FAM135B: variants seen among roughly 807,000 people sequenced by gnomAD.
FAM135B encodes protein FAM135B.
Under a neutral mutation model 127.7 loss-of-function variants are expected in FAM135B, and 43 were observed. The ratio of observed to expected loss-of-function variants is 0.34; its 90% CI spans 0.26 to 0.43. The LOEUF (loss-of-function observed/expected upper bound fraction) is 0.43, where lower values mean the gene tolerates loss of function less well. Among genes scored for constraint, FAM135B ranks in the 20% least tolerant of loss-of-function variants. The pLI, the probability that FAM135B is intolerant of heterozygous loss-of-function variation, is 1.00. For synonymous variants in FAM135B, 670 were observed against 665.1 expected, an observed-to-expected ratio of 1.01 and a Z score of -0.11; for missense variants, 1,558 against 1,725.6, an observed-to-expected ratio of 0.90 and a Z score of 1.72.
chr8:138,433,848 T>C (rs538661125), intron 1 of FAM135B, among the ~76,000 whole-genome samples: 41 of 152,272 alleles, frequency 2.7e-4, no homozygotes, highest in African/African-American at 9.9e-4. Context: ...CCCGTGGCAA[T>C]AGCCCAGGAC....
chr8:138,276,984 A>AT (rs1340608832), intron 3 of FAM135B, among the ~76,000 whole-genome samples: 1 of 152,188 alleles, frequency 6.6e-6, no homozygotes, highest in Non-Finnish European at 1.5e-5. Context: ...AGTGCTTGTT[A>AT]TAACAACTGC....
intron 2 of FAM135B, among the ~76,000 whole-genome samples, chr8:138,366,941 G>A (rs1167022435): frequency 1.3e-5 from 2 of 152,104 alleles, no homozygotes; most frequent in African/African-American, 4.8e-5. Context: ...AAGCCTGCTG[G>A]AGGATGAGAG....
intron 12 of FAM135B, among the ~76,000 whole-genome samples, chr8:138,153,644 G>T (rs189425243): frequency 8.5e-5 from 13 of 152,284 alleles, no homozygotes; most frequent in African/African-American, 3.1e-4. Context: ...ATTATATCCC[G>T]CACCTGGCTT....
At chr8:138,164,036 C>T (rs1483419811) in intron 12 of FAM135B, among the ~76,000 whole-genome samples, 3 of 151,196 alleles carry the variant, frequency 2.0e-5, no homozygotes, top group Non-Finnish European at 3.0e-5. Context: ...TTTTATTTCC[C>T]TTTTTTCCTT....
chr8:138,178,960 G>T (rs1814743888), intron 9 of FAM135B, among the ~76,000 whole-genome samples: 1 of 152,148 alleles, frequency 6.6e-6, no homozygotes, highest in Admixed American at 6.5e-5. Context: ...TAGCAGGCAA[G>T]ATTGCCCACT....
intron 11 of FAM135B, among the ~76,000 whole-genome samples, chr8:138,176,252 C>T (rs1348267955): frequency 6.6e-6 from 1 of 152,210 alleles, no homozygotes; most frequent in East Asian, 1.9e-4. Flanking sequence ...AGAATGCAAC[C>T]ATGGCTCCAC....
rs7835885 is a variant in FAM135B, at chr8:138,342,218, A to G, written c.77+25689T>C. Among the ~76,000 whole-genome samples the G allele has an allele frequency of 8.8e-3, 1,341 of 152,346 alleles. 25 individuals are homozygous for G. Among genetic ancestry groups the G allele is most frequent in the African/African-American group, 0.031 (1,287 of 41,582 alleles). ...AAACCAACCCTTCAGCTAGAGTGAG[A>G]CAGAACCATGATTCAATTCTAGAGC... On this transcript the variant is annotated intron_variant, in intron 2 of 19. Transcript: ENST00000395297.
chr8:138,482,177 C>T (rs1157605200), intron 1 of FAM135B, among the ~76,000 whole-genome samples: 5 of 152,140 alleles, frequency 3.3e-5, no homozygotes, highest in Non-Finnish European at 7.3e-5. Flanking sequence ...GAGTGTAGGC[C>T]GTGCAGGAGT....
intron 3 of FAM135B, among the ~76,000 whole-genome samples, chr8:138,297,320 C>T (rs1388519399): frequency 6.6e-6 from 1 of 152,192 alleles, no homozygotes; most frequent in Non-Finnish European, 1.5e-5. Flanking sequence ...AACATGACCC[C>T]ACGAGACAGG....
At chr8:138,381,771 C>T (rs1437363884) in intron 1 of FAM135B, among the ~76,000 whole-genome samples, 1 of 152,184 alleles carries the variant, frequency 6.6e-6, no homozygotes, top group Non-Finnish European at 1.5e-5. Flanking sequence ...TTGAATGCAT[C>T]TTTGAGCTCC....
At chr8:138,315,805 AG>A (rs1827044543) in intron 2 of FAM135B, among the ~76,000 whole-genome samples, 2 of 152,358 alleles carry the variant, frequency 1.3e-5, no homozygotes, top group African/African-American at 4.8e-5. Context: ...TTTTTAAAAA[AG>A]GAAGTCAAAC....
chr8:138,254,774 T>C (rs1369891664), intron 5 of FAM135B, among the ~76,000 whole-genome samples: 4 of 152,120 alleles, frequency 2.6e-5, no homozygotes, highest in Admixed American at 2.0e-4. Flanking sequence ...ATCTGTGAAG[T>C]TGAACCCAGA....
intron 2 of FAM135B, among the ~76,000 whole-genome samples, chr8:138,360,401 C>T (rs543540527): frequency 6.6e-6 from 1 of 152,228 alleles, no homozygotes; most frequent in South Asian, 2.1e-4. Flanking sequence ...AAAATAAGAC[C>T]ATTCCTCCTG....
intron 7 of FAM135B, among the ~76,000 whole-genome samples, chr8:138,235,087 A>C (rs2130263051): frequency 6.6e-6 from 1 of 152,308 alleles, no homozygotes; most frequent in African/African-American, 2.4e-5. Flanking sequence ...TTGGTCCTTA[A>C]AAAGTACTGT....
intron 1 of FAM135B, among the ~76,000 whole-genome samples, chr8:138,404,691 A>G (rs1833352737): frequency 6.6e-6 from 1 of 152,132 alleles, no homozygotes; most frequent in Non-Finnish European, 1.5e-5. Flanking sequence ...GTTCATCTCA[A>G]GACACCACTT....
chr8:138,171,797 A>T (rs1434536658), intron 11 of FAM135B, among the ~76,000 whole-genome samples: 1 of 152,154 alleles, frequency 6.6e-6, no homozygotes, highest in Non-Finnish European at 1.5e-5. Context: ...CCAGGCAGGG[A>T]GTCCGTGAGA....
intron 7 of FAM135B, among the ~76,000 whole-genome samples, chr8:138,229,192 T>A (rs925653742): frequency 6.6e-6 from 1 of 152,086 alleles, no homozygotes; most frequent in Non-Finnish European, 1.5e-5. Context: ...CATTGCATCT[T>A]CCCTCCATGC....
At chr8:138,324,695 C>T (rs1442477893) in intron 2 of FAM135B, among the ~76,000 whole-genome samples, 1 of 152,100 alleles carries the variant, frequency 6.6e-6, no homozygotes, top group Non-Finnish European at 1.5e-5. Context: ...TTCAGAAAAA[C>T]AAGGTAAGAT....
rs138447092 is a variant in FAM135B, at chr8:138,255,967, G to A, written c.368+722C>T. 5.3e-5 allele frequency among the ~76,000 whole-genome samples: 8 copies of A among 152,304 alleles called. No individual in the cohort carries two copies. In the East Asian group the frequency reaches 1.4e-3, roughly 26 times the overall value. On this transcript the variant is annotated intron_variant, in intron 5 of 19. Transcript: ENST00000395297. ...ACCATGCCCTGTTCCTACACTGGGA[G>A]TTTTCTACCCTAGGGAAGCCTGGAT...
Sources: allele counts gnomAD v4.1 joint callset (sites outside exome capture counted in the v4.1 genomes callset), GRCh38; gene constraint gnomAD v4.1.1; transcripts MANE v1.5; gene names NCBI Gene and HGNC (gene_info 2026-07-23, HGNC 2026-07-21).